Variants in NBEA observed in about 807,000 individuals in gnomAD.
NBEA encodes neurobeachin.
A neutral mutation model predicts 343.4 loss-of-function variants in NBEA; 44 were observed. The ratio of observed to expected loss-of-function variants is 0.13; its 90% CI spans 0.10 to 0.16. NBEA has a LOEUF of 0.16. Among genes scored for constraint, NBEA ranks in the 10% least tolerant of loss-of-function variants. The pLI is 1.00. For missense variants in NBEA, 2,555 were observed against 3,631.3 expected (o/e 0.70, Z 7.62); for synonymous variants, 1,175 against 1,238.7 (o/e 0.95, Z 1.08).
intron 34 of NBEA, among the ~76,000 whole-genome samples, chr13:35,237,451 G>A (rs559428405): frequency 2.9e-4 from 44 of 151,902 alleles, no homozygotes; most frequent in African/African-American, 9.4e-4. Context: ...TTTGTTCTTC[G>A]CTCTCCTTCT....
intron 45 of NBEA, among the ~76,000 whole-genome samples, chr13:35,575,935 A>G (rs1246074663): frequency 6.6e-6 from 1 of 152,114 alleles, no homozygotes; most frequent in Non-Finnish European, 1.5e-5. Context: ...CAGTTATCTT[A>G]TAGAACATAA....
rs757082500 is a variant in NBEA at position 35,182,457 on chromosome 13, G to C, written c.4760G>C (p.Arg1587Thr). Residue 1587 changes from arginine to threonine, a missense_variant, in exon 29 of 59, where the codon AGA (arginine) becomes ACA (threonine). By Grantham distance (71) the Arg-to-Thr change is moderately conservative. Coordinates refer to ENST00000379939, the MANE Select transcript of NBEA (RefSeq NM_001385012.1). ...SKYRDILEPQ[R>T]ETTRTGSQPG... ...TATCGTGACATATTAGAACCCCAGA[G>C]AGAGACTACAAGAACTGGAAGCCAA... 5.0e-6 allele frequency: 8 copies of C among 1,610,654 alleles called. No homozygotes were observed. The highest frequency in any genetic ancestry group is 5.9e-6 in the Non-Finnish European group (7 of 1,177,812).
chr13:35,318,426 C>T (rs972001140), intron 36 of NBEA, among the ~76,000 whole-genome samples: 12 of 152,078 alleles, frequency 7.9e-5, no homozygotes, highest in Admixed American at 2.0e-4. Context: ...TGTGTTGAAC[C>T]GGCGTTGCAT....
At chr13:35,274,025 A>G (rs555826725) in intron 34 of NBEA, among the ~76,000 whole-genome samples, 26 of 152,364 alleles carry the variant, frequency 1.7e-4, no homozygotes, top group African/African-American at 5.3e-4. Context: ...TGAAGCCAGC[A>G]TCAACCTGAT....
At chr13:35,615,129 C>CAAAAACAAAAA (rs2082678118) in intron 48 of NBEA, among the ~76,000 whole-genome samples, 1 of 110,980 alleles carries the variant, frequency 9.0e-6, no homozygotes. Context: ...ACTAAAAATA[C>CAAAAACAAAAA]AAAAAAAAAA....
chr13:35,241,797 C>T (rs1036399657), intron 34 of NBEA, among the ~76,000 whole-genome samples: 3 of 151,820 alleles, frequency 2.0e-5, no homozygotes, highest in African/African-American at 7.2e-5. Context: ...CTACTCAAAA[C>T]GTTAGGAAAT....
At chr13:35,109,809 A>C (rs533240754) in intron 12 of NBEA, among the ~76,000 whole-genome samples, 4 of 152,128 alleles carry the variant, frequency 2.6e-5, no homozygotes, top group African/African-American at 9.6e-5. Flanking sequence ...GGTAGAATTT[A>C]TATCATGACA....
chr13:35,383,732 G>C (rs1300422050), intron 38 of NBEA, among the ~76,000 whole-genome samples: 4 of 152,028 alleles, frequency 2.6e-5, no homozygotes, highest in Non-Finnish European at 4.4e-5. Flanking sequence ...ATATAATACA[G>C]AAGTTAGGAA....
chr13:35,480,775 G>A (rs1438356897), intron 41 of NBEA, among the ~76,000 whole-genome samples: 3 of 151,720 alleles, frequency 2.0e-5, no homozygotes, highest in Non-Finnish European at 4.4e-5. Flanking sequence ...AGATATTTGT[G>A]CAGGGTTTTC....
chr13:35,470,269 A>G (rs547790514), intron 40 of NBEA, among the ~76,000 whole-genome samples: 5 of 152,348 alleles, frequency 3.3e-5, no homozygotes, highest in African/African-American at 1.2e-4. Context: ...TCAGAAACAC[A>G]GAGAAGTAGA....
chr13:35,219,986 T>C (rs967047433), intron 33 of NBEA, among the ~76,000 whole-genome samples: 3 of 152,104 alleles, frequency 2.0e-5, no homozygotes, highest in Non-Finnish European at 2.9e-5. Context: ...CCCAGTAAAA[T>C]TGACCCATAA....
chr13:35,233,708 AC>A (rs923345514), intron 34 of NBEA, among the ~76,000 whole-genome samples: 1 of 152,130 alleles, frequency 6.6e-6, no homozygotes, highest in Non-Finnish European at 1.5e-5. Flanking sequence ...TAGTAAACAG[AC>A]AAAGACGCTT....
intron 49 of NBEA, among the ~76,000 whole-genome samples, chr13:35,643,402 G>A (rs747757881): frequency 4.6e-5 from 7 of 152,010 alleles, no homozygotes; most frequent in Admixed American, 1.3e-4. Flanking sequence ...TGTATCCCTT[G>A]GCATAGAGTA....
intron 38 of NBEA, among the ~76,000 whole-genome samples, chr13:35,411,906 C>A (rs2043611381): frequency 6.6e-6 from 1 of 151,818 alleles, no homozygotes. Context: ...TTTTTTTAAC[C>A]ATCAATGATT....
intron 36 of NBEA, among the ~76,000 whole-genome samples, chr13:35,320,536 T>G (rs868057271): frequency 6.6e-6 from 1 of 152,212 alleles, no homozygotes; most frequent in East Asian, 1.9e-4. Context: ...CATTTTTTCC[T>G]TCATTTCAAC....
intron 38 of NBEA, among the ~76,000 whole-genome samples, chr13:35,360,110 A>G (rs186455939): frequency 6.6e-6 from 1 of 152,158 alleles, no homozygotes; most frequent in Admixed American, 6.6e-5. Context: ...CAGGAGCAGG[A>G]TTTGAGTCTA....
chr13:35,067,823 A>G (rs1252462554), intron 8 of NBEA, among the ~76,000 whole-genome samples: 4 of 152,026 alleles, frequency 2.6e-5, no homozygotes, highest in African/African-American at 9.7e-5. Context: ...TGTGGTCTCA[A>G]AATCCTGGAC....
intron 24 of NBEA, among the ~76,000 whole-genome samples, chr13:35,166,627 G>C (rs2070054411): frequency 6.6e-6 from 1 of 152,034 alleles, no homozygotes; most frequent in South Asian, 2.1e-4. Context: ...AGAATGAATT[G>C]CTTCCTTAAG....
At position 35,422,252 on chromosome 13, in the gene NBEA, C is replaced by G. The variant is rs1248895270; in HGVS notation, c.6180-10017C>G. On this transcript the variant is annotated intron_variant, in intron 38 of 58. Transcript: ENST00000379939. ...CATGTTGGTATGCTGCACCCATTAACTCGTCATTTAGCATCAGGTATACCT... is the reference window on the plus strand; with the variant it reads ...CATGTTGGTATGCTGCACCCATTAAGTCGTCATTTAGCATCAGGTATACCT... 4.0e-5 allele frequency among the ~76,000 whole-genome samples: 6 copies of G among 150,882 alleles called. No individual in the cohort carries two copies. The East Asian group carries it at 1.2e-3, about 29-fold the overall frequency.
Sources: gnomAD v4.1 joint callset for allele counts (sites outside exome capture counted in the v4.1 genomes callset) on GRCh38, gnomAD v4.1.1 for gene constraint, MANE v1.5 for transcripts, NCBI Gene and HGNC (gene_info 2026-07-23, HGNC 2026-07-21) for gene names.